The following PAX2 variants were observed in gnomAD, a reference collection of about 807,000 sequenced individuals.
The protein encoded by PAX2 is paired box 2.
A neutral mutation model predicts 41.7 loss-of-function variants in PAX2; 9 were observed. That is an observed-to-expected ratio of 0.22 (90% CI 0.13 to 0.38). The LOEUF is 0.38. PAX2 is among the 10% of genes least tolerant of loss of function. PAX2 has a pLI of 1.00. For missense variants in PAX2, 418 were observed against 531.6 expected (o/e 0.79, Z 2.10); for synonymous variants, 221 against 212.7 (o/e 1.04, Z -0.34).
At chr10:100,746,598 C>G (rs1845186856) in intron 1 of PAX2, among the ~76,000 whole-genome samples, 1 of 152,256 alleles carries the variant, frequency 6.6e-6, no homozygotes, top group Non-Finnish European at 1.5e-5. Flanking sequence ...ATGGGATCCA[C>G]GGCCTCGGAG....
intron 1 of PAX2, among the ~76,000 whole-genome samples, chr10:100,739,014 G>GACACACACACACACACACAAACAC (rs1844861443): frequency 2.2e-5 from 3 of 138,266 alleles, no homozygotes; most frequent in African/African-American, 8.2e-5. Context: ...CGCGCACGCG[G>GACACACACACACACACACAAACAC]ACACACACAC....
chr10:100,770,033 T>C (rs950713438), intron 3 of PAX2, among the ~76,000 whole-genome samples: 22 of 152,166 alleles, frequency 1.4e-4, no homozygotes, highest in Non-Finnish European at 2.8e-4. Context: ...GAAGTGATTG[T>C]AGGGTTTAGC....
intron 6 of PAX2, among the ~76,000 whole-genome samples, 169 bp from the exon 7 acceptor site, chr10:100,808,941 C>T (rs534224649): frequency 2.0e-5 from 3 of 152,312 alleles, no homozygotes; most frequent in Non-Finnish European, 4.4e-5. Flanking sequence ...GTCTACTACC[C>T]GCACAAAACT....
intron 1 of PAX2, 29 bp downstream of exon 1, chr10:100,746,332 G>A (rs761439526): frequency 4.0e-6 from 6 of 1,482,064 alleles, no homozygotes; most frequent in South Asian, 1.1e-5. Context: ...CTCCTGTCCC[G>A]GCTCGGGGCT....
At position 100,779,495 on chromosome 10, in the gene PAX2, C is replaced by T; in HGVS notation, c.411-3C>T. 1 of 1,586,448 alleles carries T rather than the reference C, an allele frequency of 6.3e-7. No homozygotes were observed. The highest frequency in any genetic ancestry group is 8.6e-7 in the Non-Finnish European group (1 of 1,165,990). On this transcript the variant is annotated splice_region_variant and splice_polypyrimidine_tract_variant and intron_variant, in intron 3 of 9. Coordinates refer to ENST00000355243, the MANE Select transcript of PAX2 (RefSeq NM_000278.5). The stretch of plus-strand genomic sequence containing the variant: ...GTGTGATGCTGTTGTGACGCTGTTG[C>T]AGAATCATCCGGACCAAAGTTCAGC...
At chr10:100,804,096 T>A (rs971590718) in intron 5 of PAX2, among the ~76,000 whole-genome samples, 1 of 152,038 alleles carries the variant, frequency 6.6e-6, no homozygotes, top group Non-Finnish European at 1.5e-5. Context: ...GATCAGGCAA[T>A]CAATAGGGGC....
rs61729830 is a variant in PAX2 at position 100,746,167 on chromosome 10, C to T, written c.-94C>T. On this transcript the variant is annotated 5_prime_UTR_variant, in exon 1 of 10. Transcript: ENST00000355243. The stretch of plus-strand genomic sequence containing the variant: ...GGGCGTTCACTCATCCTCCCTCCCC[C>T]ACCGTCCCTCCCTTTTCTCCTCAAG... The T allele has an allele frequency of 1.0e-3, 1,630 of 1,606,650 alleles. 19 individuals are homozygous for T. In the African/African-American group the frequency reaches 0.019, roughly 19 times the overall value.
At chr10:100,785,638 T>G (rs1846817875) in intron 5 of PAX2, among the ~76,000 whole-genome samples, 1 of 151,804 alleles carries the variant, frequency 6.6e-6, no homozygotes, top group South Asian at 2.1e-4. Context: ...TCCCCAAGAG[T>G]GTTGCTCAGG....
intron 3 of PAX2, among the ~76,000 whole-genome samples, chr10:100,762,579 C>A (rs1845878279): frequency 6.6e-6 from 1 of 151,978 alleles, no homozygotes; most frequent in African/African-American, 2.4e-5. Context: ...GGAGAGAAAA[C>A]CTGCATAAGA....
intron 3 of PAX2, among the ~76,000 whole-genome samples, chr10:100,754,461 C>T (rs570185565): frequency 2.0e-5 from 3 of 152,320 alleles, no homozygotes; most frequent in Admixed American, 6.5e-5. Context: ...CAACTTCTCA[C>T]GGATCTCCCA....
chr10:100,747,637 G>A (rs899109650), intron 1 of PAX2: 4 of 984,654 alleles, frequency 4.1e-6, no homozygotes, highest in Non-Finnish European at 4.8e-6. Flanking sequence ...TGTGTTTTTC[G>A]CTAATCATAT....
At position 100,824,549 on chromosome 10, in the gene PAX2, T is replaced by C. The variant is rs535076131; in HGVS notation, c.920-99T>C. On this transcript the variant is annotated intron_variant, in intron 7 of 9. Transcript: ENST00000355243. The surrounding 1 kb of genome is among the most constrained non-coding windows in gnomAD (Gnocchi z 6.6). ...CCCCTGCACGTCTGCACAGAGCTCT[T>C]TCCTCTCCAAGAGTTTCCTCTCCGT... 369 of 884,342 alleles carry C rather than the reference T, an allele frequency of 4.2e-4. 1 individual carries two copies. In the African/African-American group the frequency reaches 5.0e-3, roughly 12 times the overall value. The allele number at this position is 884,342 out of a possible 1,614,324, so 54.8% of individuals were successfully genotyped here.
chr10:100,828,021 C>T lies in PAX2; in HGVS notation c.*402C>T, dbSNP rs1848650099. ...GCCGGATGTTTCTGTGACACACAATCAGCGCGGACCGCAGCGCGGCCCAGC... is the reference window on the plus strand; with the variant it reads ...GCCGGATGTTTCTGTGACACACAATTAGCGCGGACCGCAGCGCGGCCCAGC... On this transcript the variant is annotated 3_prime_UTR_variant, in exon 10 of 10. Transcript: ENST00000355243. The surrounding 1 kb of genome is among the most constrained non-coding windows in gnomAD (Gnocchi z 6.5). 6.6e-5 allele frequency: 17 copies of T among 258,348 alleles called. No homozygotes were observed. In the South Asian group the frequency reaches 2.2e-3, roughly 34 times the overall value. The allele number at this position is 258,348 out of a possible 1,614,324, so 16.0% of individuals were successfully genotyped here. A position where few individuals can be genotyped will look rare whatever the true frequency, so the allele number is the denominator to read the frequency against.
intron 3 of PAX2, among the ~76,000 whole-genome samples, chr10:100,753,827 G>A (rs979214173): frequency 6.6e-6 from 1 of 152,158 alleles, no homozygotes; most frequent in Non-Finnish European, 1.5e-5. Context: ...TTGTGATAAA[G>A]GCCTGGCCAT....
chr10:100,782,150 A>C lies in PAX2; in HGVS notation c.616+785A>C, dbSNP rs115742943. On this transcript the variant is annotated intron_variant, in intron 5 of 9. Transcript: ENST00000355243. ...GCAGACCCTGAACAACAGAGACACC[A>C]GTGTCTCCGGCCTGCGTCCTGCCCC... is the stretch of plus-strand genomic sequence containing the variant. Among the ~76,000 whole-genome samples the C allele has an allele frequency of 5.1e-3, 771 of 152,302 alleles. 11 individuals are homozygous for C. The highest frequency in any genetic ancestry group is 0.018 in the African/African-American group (738 of 41,562).
chr10:100,827,189 G>A lies in PAX2; in HGVS notation c.1108+94G>A. 1 of 1,023,590 alleles carries A rather than the reference G, an allele frequency of 9.8e-7. No homozygotes were observed. The highest frequency in any genetic ancestry group is 2.5e-5 in the East Asian group (1 of 39,680). 63.4% of individuals were successfully genotyped at this position (1,023,590 alleles called of 1,614,324 possible). A position where few individuals can be genotyped will look rare whatever the true frequency, so the allele number is the denominator to read the frequency against. On this transcript the variant is annotated intron_variant, in intron 9 of 9. Transcript: ENST00000355243. The surrounding 1 kb of genome is among the most constrained non-coding windows in gnomAD (Gnocchi z 8.5). ...CGGCGACCCGACCTCTGGGGACCCG[G>A]CCGGGCCAGGGGGACAGGCTTGTTA... is the stretch of plus-strand genomic sequence containing the variant.
intron 5 of PAX2, among the ~76,000 whole-genome samples, chr10:100,784,657 A>G (rs1846777186): frequency 6.6e-6 from 1 of 152,190 alleles, no homozygotes; most frequent in Non-Finnish European, 1.5e-5. Context: ...ATTGGAGACA[A>G]TCTCAGCAGT....
intron 1 of PAX2, chr10:100,749,311 C>A: frequency 1.0e-6 from 1 of 1,004,250 alleles, no homozygotes. Flanking sequence ...CCAAGCCCCG[C>A]ACGCGCGGAC....
At chr10:100,815,171 A>G (rs1848145880) in intron 7 of PAX2, among the ~76,000 whole-genome samples, 1 of 152,068 alleles carries the variant, frequency 6.6e-6, no homozygotes, top group Non-Finnish European at 1.5e-5. Context: ...CCCCCTTCCA[A>G]TGCAACTGCA....
Sources: allele counts gnomAD v4.1 joint callset (sites outside exome capture counted in the v4.1 genomes callset), GRCh38; gene constraint gnomAD v4.1.1; non-coding constraint Gnocchi (gnomAD v3.1); transcripts MANE v1.5; gene names NCBI Gene and HGNC (gene_info 2026-07-23, HGNC 2026-07-21).